ATP6V1C2: variants seen among roughly 807,000 people sequenced by gnomAD.
ATP6V1C2 encodes ATPase H+ transporting V1 subunit C2, also known as V-type proton ATPase subunit C 2.
Under a neutral mutation model 56.8 loss-of-function variants are expected in ATP6V1C2, and 45 were observed. The ratio of observed to expected loss-of-function variants is 0.79; its 90% CI spans 0.62 to 1.02. ATP6V1C2 has a LOEUF of 1.02. Among genes scored for constraint, ATP6V1C2 ranks in the 50% least tolerant of loss-of-function variants. The pLI is 0.00. For missense variants in ATP6V1C2, 463 were observed against 519.7 expected (o/e 0.89, Z 1.06); for synonymous variants, 220 against 201.3 (o/e 1.09, Z -0.79).
chr2:10,742,944 C>A (rs1662643107), intron 3 of ATP6V1C2, among the ~76,000 whole-genome samples: 1 of 152,198 alleles, frequency 6.6e-6, no homozygotes, highest in African/African-American at 2.4e-5. Context: ...CCAGTCCCTA[C>A]CTGCCCTGCC....
chr2:10,726,631 G>A, intron 3 of ATP6V1C2, 62 bp downstream of exon 3: 1 of 1,473,784 alleles, frequency 6.8e-7, no homozygotes, highest in South Asian at 1.1e-5. Context: ...AGAGGACACA[G>A]TGTTCTTGCT....
chr2:10,770,644 C>G (rs1664540236), intron 6 of ATP6V1C2, among the ~76,000 whole-genome samples: 1 of 152,246 alleles, frequency 6.6e-6, no homozygotes, highest in Non-Finnish European at 1.5e-5. Flanking sequence ...AACATCTGGT[C>G]TAGCCTCTTC....
intron 3 of ATP6V1C2, among the ~76,000 whole-genome samples, chr2:10,747,701 C>CAA (rs34222737): frequency 1.4e-5 from 2 of 142,886 alleles, no homozygotes; most frequent in African/African-American, 5.1e-5. Flanking sequence ...CTCTTTGAAA[C>CAA]AAAAAAAAAA....
At chr2:10,755,681 A>C (rs1487282766) in intron 4 of ATP6V1C2, among the ~76,000 whole-genome samples, 1 of 151,968 alleles carries the variant, frequency 6.6e-6, no homozygotes, top group East Asian at 1.9e-4. Context: ...CACTCTCCCC[A>C]CCTGGGCAAT....
chr2:10,738,889 G>T (rs1159819655), intron 3 of ATP6V1C2, among the ~76,000 whole-genome samples: 1 of 152,142 alleles, frequency 6.6e-6, no homozygotes, highest in Non-Finnish European at 1.5e-5. Flanking sequence ...AGTCCTGTGG[G>T]CTCCACCTCC....
chr2:10,750,920 G>A lies in ATP6V1C2; in HGVS notation c.198-3061G>A, dbSNP rs143984097. On this transcript the variant is annotated intron_variant, in intron 3 of 13. Coordinates refer to ENST00000272238, the MANE Select transcript of ATP6V1C2 (RefSeq NM_001039362.2). ...CGCATAGTAGTTGTTAGTGCTTGGC[G>A]CATAGTAGTTGTTAGTGCTTGGTAC... Among the ~76,000 whole-genome samples the A allele has an allele frequency of 7.0e-4, 107 of 152,128 alleles. 1 individual carries two copies. The East Asian group carries it at 0.018, about 26-fold the overall frequency.
At chr2:10,742,091 G>GCCATGT (rs1398810553) in intron 3 of ATP6V1C2, among the ~76,000 whole-genome samples, 1 of 152,120 alleles carries the variant, frequency 6.6e-6, no homozygotes, top group Admixed American at 6.6e-5. Context: ...TATATTTTTA[G>GCCATGT]TAGAGACAGG....
At chr2:10,754,767 A>T (rs570971152) in intron 4 of ATP6V1C2, among the ~76,000 whole-genome samples, 1 of 151,492 alleles carries the variant, frequency 6.6e-6, no homozygotes, top group East Asian at 2.0e-4. Context: ...TTTAATAGAG[A>T]TGGGGTTTCA....
intron 4 of ATP6V1C2, among the ~76,000 whole-genome samples, chr2:10,762,727 T>C (rs1663988791): frequency 6.6e-6 from 1 of 152,000 alleles, no homozygotes; most frequent in South Asian, 2.1e-4. Context: ...CCTCCATGGC[T>C]GCCCGGCTTA....
intron 2 of ATP6V1C2, among the ~76,000 whole-genome samples, chr2:10,723,666 G>A (rs531820417): frequency 1.1e-4 from 17 of 151,548 alleles, no homozygotes; most frequent in Admixed American, 4.6e-4. Context: ...GTGAAACCCC[G>A]TCTCTACTAA....
intron 4 of ATP6V1C2, among the ~76,000 whole-genome samples, chr2:10,760,936 C>T (rs1198865): frequency 2.6e-5 from 4 of 152,132 alleles, no homozygotes; most frequent in South Asian, 2.1e-4. Context: ...TGGTTGCCGG[C>T]GGGGGTCTGT....
At chr2:10,764,821 A>C (rs1664126220) in intron 5 of ATP6V1C2, among the ~76,000 whole-genome samples, 1 of 152,118 alleles carries the variant, frequency 6.6e-6, no homozygotes, top group Admixed American at 6.5e-5. Context: ...AAATACAAAA[A>C]TTAGCCAGGC....
rs1664843905 is a variant in ATP6V1C2, at chr2:10,774,710, C to T, written c.639-78C>T. 3.8e-6 allele frequency: 5 copies of T among 1,299,102 alleles called. No individual in the cohort carries two copies. The South Asian group carries it at 4.9e-5, about 13-fold the overall frequency. The allele number at this position is 1,299,102 out of a possible 1,614,324, so 80.5% of individuals were successfully genotyped here. On this transcript the variant is annotated intron_variant, in intron 8 of 13. Transcript: ENST00000272238. Reference sequence around the variant, plus strand: ...GCCATGGACCCCAGGTGCAGGCCACCAGGCCCGGGGCCTCTGAGCCCCACT... The same window carrying T: ...GCCATGGACCCCAGGTGCAGGCCACTAGGCCCGGGGCCTCTGAGCCCCACT...
At chr2:10,760,189 A>G (rs1047200986) in intron 4 of ATP6V1C2, among the ~76,000 whole-genome samples, 1 of 152,084 alleles carries the variant, frequency 6.6e-6, no homozygotes, top group Non-Finnish European at 1.5e-5. Flanking sequence ...CCTGGCCAAC[A>G]TGGTGAAACC....
At chr2:10,768,919 G>A in intron 6 of ATP6V1C2, 109 bp downstream of exon 6, 2 of 861,176 alleles carry the variant, frequency 2.3e-6, no homozygotes, top group Non-Finnish European at 3.8e-6. Context: ...ATGCATGAGA[G>A]TGAGACAGAC....
intron 10 of ATP6V1C2, among the ~76,000 whole-genome samples, chr2:10,776,372 G>A (rs1421361951): frequency 1.3e-5 from 2 of 152,130 alleles, no homozygotes; most frequent in African/African-American, 4.8e-5. Context: ...CTGGGCTCCG[G>A]CTGAGCCTGC....
chr2:10,779,441 A>G (rs1558428964), intron 12 of ATP6V1C2, among the ~76,000 whole-genome samples: 1 of 100,700 alleles, frequency 9.9e-6, no homozygotes, highest in Non-Finnish European at 2.2e-5. Flanking sequence ...ATATATATAT[A>G]TGTATGTATA....
rs201184814 is a variant in ATP6V1C2 at position 10,783,928 on chromosome 2, TA to T, written c.*673del. ...TAATATTCAAATGAAGGGATCACAT[TA>T]AAAAAAACCCATACATAAGAAACAG... On this transcript the variant is annotated 3_prime_UTR_variant, in exon 14 of 14. Coordinates refer to ENST00000272238, the MANE Select transcript of ATP6V1C2 (RefSeq NM_001039362.2). The T allele has an allele frequency of 4.1e-4, 80 of 195,156 alleles. No individual in the cohort carries two copies. The East Asian group carries it at 8.6e-3, about 21-fold the overall frequency. The allele number at this position is 195,156 out of a possible 1,614,324, so 12.1% of individuals were successfully genotyped here.
chr2:10,721,597 C>G (rs1369073809), upstream of ATP6V1C2: 5 of 151,786 alleles, frequency 3.3e-5, no homozygotes, highest in Non-Finnish European at 5.9e-5. Flanking sequence ...CTCCAGAGCC[C>G]GGGATAAAAG....
Sources: gnomAD v4.1 joint callset for allele counts (sites outside exome capture counted in the v4.1 genomes callset) on GRCh38, gnomAD v4.1.1 for gene constraint, MANE v1.5 for transcripts, NCBI Gene and HGNC (gene_info 2026-07-23, HGNC 2026-07-21) for gene names.